Variants in TPCN1 observed in about 807,000 individuals in gnomAD.
TPCN1 encodes two pore channel protein 1.
A neutral mutation model predicts 108.8 loss-of-function variants in TPCN1; 52 were observed. The observed-to-expected ratio is 0.48, with a 90% CI of 0.38 to 0.60. TPCN1 has a LOEUF of 0.60. Among genes scored for constraint, TPCN1 ranks in the 20% least tolerant of loss-of-function variants. TPCN1 has a pLI of 0.00. For synonymous variants in TPCN1, 446 were observed against 433.7 expected (o/e 1.03, Z -0.35); for missense variants, 806 against 1,072.8 (o/e 0.75, Z 3.47).
At chr12:113,290,389 C>T in intron 22 of TPCN1, 146 bp downstream of exon 22, 3 of 642,538 alleles carry the variant, frequency 4.7e-6, no homozygotes, top group Non-Finnish European at 8.3e-6. Context: ...ACTTGGTCTG[C>T]CCAGCTTTGG....
intron 5 of TPCN1, 36 bp downstream of exon 5, chr12:113,267,992 C>T (rs1955336823): frequency 7.1e-7 from 1 of 1,404,300 alleles, no homozygotes; most frequent in Non-Finnish European, 1.0e-6. Context: ...CCCCTCACAG[C>T]CTTTTCTCCC....
chr12:113,233,639 C>T (rs1953776634), intron 2 of TPCN1, among the ~76,000 whole-genome samples: 1 of 152,224 alleles, frequency 6.6e-6, no homozygotes, highest in Admixed American at 6.5e-5. Context: ...TCAGGTATGC[C>T]TGGGGAGAGG....
intron 12 of TPCN1, among the ~76,000 whole-genome samples, chr12:113,277,940 C>T (rs1955728797): frequency 6.6e-6 from 1 of 152,232 alleles, no homozygotes; most frequent in East Asian, 1.9e-4. Flanking sequence ...AGGGCACTGA[C>T]ACTGTCCGTA....
At position 113,268,428 on chromosome 12, in the gene TPCN1, A is replaced by C. The variant is rs1399073112; in HGVS notation, c.529-314A>C. 1.3e-5 allele frequency among the ~76,000 whole-genome samples: 2 copies of C among 152,212 alleles called. No homozygotes were observed. The highest frequency in any genetic ancestry group is 4.8e-5 in the African/African-American group (2 of 41,458). Reference sequence around the variant, plus strand: ...GTAAGCAGAGCTGAAGAGGAGCTGCAGGCCCCGGGATCCCTGATGTGAGTG... The same window carrying C: ...GTAAGCAGAGCTGAAGAGGAGCTGCCGGCCCCGGGATCCCTGATGTGAGTG... On this transcript the variant is annotated intron_variant, in intron 5 of 27. Coordinates refer to ENST00000335509, the MANE Select transcript of TPCN1 (RefSeq NM_017901.6). The surrounding 1 kb of genome is among the most constrained non-coding windows in gnomAD (Gnocchi z 7.3).
intron 2 of TPCN1, among the ~76,000 whole-genome samples, chr12:113,235,688 T>C (rs1208247015): frequency 1.3e-5 from 2 of 152,154 alleles, no homozygotes; most frequent in African/African-American, 4.8e-5. Flanking sequence ...TTGGTCTGGT[T>C]GGCAGTGAGA....
chr12:113,273,099 C>A lies in TPCN1; in HGVS notation c.784-133C>A. 1.3e-6 allele frequency: 1 copy of A among 794,796 alleles called. No individual in the cohort carries two copies. Among genetic ancestry groups the A allele is most frequent in the Non-Finnish European group, 2.2e-6 (1 of 450,694 alleles). 49.2% of individuals were successfully genotyped at this position (794,796 alleles called of 1,614,324 possible). On this transcript the variant is annotated intron_variant, in intron 8 of 27. Transcript: ENST00000335509. This position sits in a 1 kb window ranked among gnomAD's most constrained non-coding sequence, Gnocchi z 4.0. ...GACTGCATGTTTGCTCTTTCCTCTG[C>A]CTCCCTCAGGGATTCCTTGAGAGAT... is the stretch of plus-strand genomic sequence containing the variant.
chr12:113,253,022 T>C (rs1954706339), intron 2 of TPCN1, among the ~76,000 whole-genome samples: 1 of 152,198 alleles, frequency 6.6e-6, no homozygotes, highest in African/African-American at 2.4e-5. Flanking sequence ...GTCACGCTTT[T>C]GGAGTTTCTG....
chr12:113,278,044 A>G, intron 12 of TPCN1, 145 bp from the exon 13 acceptor site: 1 of 635,356 alleles, frequency 1.6e-6, no homozygotes, highest in Non-Finnish European at 2.9e-6. Flanking sequence ...AGGATCCCCC[A>G]GCACTGCTGT....
At position 113,226,718 on chromosome 12, in the gene TPCN1, C is replaced by A. The variant is rs1189871663; in HGVS notation, c.-125-10C>A. On this transcript the variant is annotated splice_polypyrimidine_tract_variant and intron_variant, in intron 1 of 27. Coordinates refer to ENST00000335509, the MANE Select transcript of TPCN1 (RefSeq NM_017901.6). ...AATTATCTTTTATTTTTTTAATTCCCAAACCCTAGAAGATGCCTCTAATGG... is the reference window on the plus strand; with the variant it reads ...AATTATCTTTTATTTTTTTAATTCCAAAACCCTAGAAGATGCCTCTAATGG... The A allele has an allele frequency of 2.0e-6, 3 of 1,526,426 alleles. No individual in the cohort carries two copies. Among genetic ancestry groups the A allele is most frequent in the Non-Finnish European group, 2.6e-6 (3 of 1,134,372 alleles). The allele number at this position is 1,526,426 out of a possible 1,614,324, so 94.6% of individuals were successfully genotyped here.
chr12:113,238,745 CG>C (rs1176132361), intron 2 of TPCN1, among the ~76,000 whole-genome samples: 3 of 152,128 alleles, frequency 2.0e-5, no homozygotes, highest in African/African-American at 4.8e-5. Flanking sequence ...TCCCCAGCAC[CG>C]GGATGTGATC....
At chr12:113,234,324 A>G (rs1953803233) in intron 2 of TPCN1, among the ~76,000 whole-genome samples, 1 of 152,210 alleles carries the variant, frequency 6.6e-6, no homozygotes, top group Non-Finnish European at 1.5e-5. Context: ...TTGGGCGGAA[A>G]ATGGGAGTTC....
At position 113,279,359 on chromosome 12, in the gene TPCN1, GTATATATATA is replaced by G. The variant is rs1186995627; in HGVS notation, c.1297+548_1297+557del. Among the ~76,000 whole-genome samples the G allele has an allele frequency of 1.1e-3, 45 of 41,004 alleles. 1 individual carries two copies. The highest frequency in any genetic ancestry group is 3.1e-3 in the African/African-American group (25 of 8,178). The allele number at this position is 41,004 out of a possible 152,430, so 26.9% of individuals were successfully genotyped here. A position where few individuals can be genotyped will look rare whatever the true frequency, so the allele number is the denominator to read the frequency against. On this transcript the variant is annotated intron_variant, in intron 14 of 27. Coordinates refer to ENST00000335509, the MANE Select transcript of TPCN1 (RefSeq NM_017901.6). ...TGTGTATATATATGTGTGTGTGTGT[GTATATATATA>G]TATATATATATATATATATATATTT...
In TPCN1 at chr12:113,289,224, G is replaced by A. The variant is rs578233273; in HGVS notation, c.1796+377G>A. On this transcript the variant is annotated intron_variant, in intron 21 of 27. Coordinates refer to ENST00000335509, the MANE Select transcript of TPCN1 (RefSeq NM_017901.6). This position sits in a 1 kb window ranked among gnomAD's most constrained non-coding sequence, Gnocchi z 4.1. ...GACAGCATCGTAGGATAAGACAGACGGACACGTGCAGGAAGGTCATGGTGC... is the reference window on the plus strand; with the variant it reads ...GACAGCATCGTAGGATAAGACAGACAGACACGTGCAGGAAGGTCATGGTGC... Among the ~76,000 whole-genome samples, 3 of 152,324 alleles carry A rather than the reference G, an allele frequency of 2.0e-5. No individual in the cohort carries two copies. The highest frequency in any genetic ancestry group is 1.9e-4 in the East Asian group (1 of 5,180).
Position 113,291,594 on chromosome 12 carries a change from TC to T in TPCN1, c.1960-12del. On this transcript the variant is annotated splice_polypyrimidine_tract_variant and intron_variant, in intron 23 of 27. Transcript: ENST00000335509. ...CATGGGCACCCCCTCACTGGCTGCT[TC>T]CCTTGGTCTCCAGGAAGGCGTCACC... 5 of 1,610,580 alleles carry T rather than the reference TC, an allele frequency of 3.1e-6. No individual in the cohort carries two copies. Among genetic ancestry groups the T allele is most frequent in the Non-Finnish European group, 3.4e-6 (4 of 1,178,698 alleles).
In TPCN1 at chr12:113,250,783, C is replaced by T. The variant is rs577306664; in HGVS notation, c.113-9585C>T. 3.9e-4 allele frequency among the ~76,000 whole-genome samples: 59 copies of T among 152,028 alleles called. 1 individual carries two copies. The highest frequency in any genetic ancestry group is 2.7e-3 in the East Asian group (14 of 5,168). ...CAGCCTGGCCAACATGGTAAAACCC[C>T]GTCTCTTCCAAAAAATACAAAAATT... On this transcript the variant is annotated intron_variant, in intron 2 of 27. Coordinates refer to ENST00000335509, the MANE Select transcript of TPCN1 (RefSeq NM_017901.6).
In TPCN1 at chr12:113,246,360, GA is replaced by G. The variant is rs1954383606; in HGVS notation, c.113-14006del. 2.6e-5 allele frequency among the ~76,000 whole-genome samples: 4 copies of G among 152,368 alleles called. No individual in the cohort carries two copies. The South Asian group carries it at 8.3e-4, about 32-fold the overall frequency. Reference sequence around the variant, plus strand: ...AGAGAGCTGTCTGCCCAGGGCACCAGAAGGGCAGGACAAAATGTTTCCCTTC... The same window carrying G: ...AGAGAGCTGTCTGCCCAGGGCACCAGAGGGCAGGACAAAATGTTTCCCTTC... On this transcript the variant is annotated intron_variant, in intron 2 of 27. Coordinates refer to ENST00000335509, the MANE Select transcript of TPCN1 (RefSeq NM_017901.6).
chr12:113,269,636 C>T lies in TPCN1; in HGVS notation c.660-121C>T, dbSNP rs1955414236. The T allele has an allele frequency of 1.2e-6, 1 of 821,778 alleles. No homozygotes were observed. The highest frequency in any genetic ancestry group is 2.0e-6 in the Non-Finnish European group (1 of 509,910). 50.9% of individuals were successfully genotyped at this position (821,778 alleles called of 1,614,324 possible). A position where few individuals can be genotyped will look rare whatever the true frequency, so the allele number is the denominator to read the frequency against. ...GAAAAAATGAAGCATGATGTCACACCAGAGTGCGTCAGGGTTTAGTATTTC... is the reference window on the plus strand; with the variant it reads ...GAAAAAATGAAGCATGATGTCACACTAGAGTGCGTCAGGGTTTAGTATTTC... On this transcript the variant is annotated intron_variant, in intron 6 of 27. Coordinates refer to ENST00000335509, the MANE Select transcript of TPCN1 (RefSeq NM_017901.6). This position sits in a 1 kb window ranked among gnomAD's most constrained non-coding sequence, Gnocchi z 5.0.
At chr12:113,260,523 G>A in intron 3 of TPCN1, 31 bp downstream of exon 3, 2 of 1,550,406 alleles carry the variant, frequency 1.3e-6, no homozygotes, top group Non-Finnish European at 1.7e-6. Context: ...CCTGGCAGTT[G>A]TCTGCACCTG....
At chr12:113,241,290 T>C (rs7304051) in intron 2 of TPCN1, among the ~76,000 whole-genome samples, 17,461 of 152,272 alleles carry the variant, frequency 0.11, 1,209 homozygotes, top group East Asian at 0.21. Context: ...ACTTCCCCAA[T>C]GTGCCCATGC....
Sources: gnomAD v4.1 joint callset for allele counts (sites outside exome capture counted in the v4.1 genomes callset) on GRCh38, gnomAD v4.1.1 for gene constraint, Gnocchi (gnomAD v3.1) non-coding constraint, MANE v1.5 for transcripts, NCBI Gene and HGNC (gene_info 2026-07-23, HGNC 2026-07-21) for gene names.